The following KCNT2 variants were observed in gnomAD, a reference collection of about 807,000 sequenced individuals.
KCNT2 encodes the protein potassium sodium-activated channel subfamily T member 2.
Under a neutral mutation model 153.8 loss-of-function variants are expected in KCNT2, and 67 were observed. The observed-to-expected ratio is 0.44, with a 90% CI of 0.36 to 0.53. The LOEUF (loss-of-function observed/expected upper bound fraction) is 0.53, where lower values mean the gene tolerates loss of function less well. Ranked by LOEUF, KCNT2 falls within the 20% of genes least tolerant of loss-of-function variation. The probability of loss-of-function intolerance (pLI) is 0.00; values close to 1 mark genes in which losing one functional copy is unlikely to be tolerated. For missense variants in KCNT2, 975 were observed against 1,354.8 expected (o/e 0.72, Z 4.40); for synonymous variants, 500 against 458.8 (o/e 1.09, Z -1.15).
chr1:196,470,740 G>A (rs1420300479), intron 5 of KCNT2, among the ~76,000 whole-genome samples: 1 of 152,152 alleles, frequency 6.6e-6, no homozygotes, highest in African/African-American at 2.4e-5. Flanking sequence ...CATCAAATAA[G>A]AGAGGAAGTA....
chr1:196,602,412 A>G (rs574180322), intron 1 of KCNT2, among the ~76,000 whole-genome samples: 2 of 152,202 alleles, frequency 1.3e-5, no homozygotes, highest in South Asian at 2.1e-4. Context: ...TGTGATCTCA[A>G]TGTTGGTGTC....
chr1:196,375,045 T>A (rs1398246534), intron 13 of KCNT2, among the ~76,000 whole-genome samples: 1 of 151,788 alleles, frequency 6.6e-6, no homozygotes, highest in Non-Finnish European at 1.5e-5. Flanking sequence ...GTGTTATACT[T>A]TGAAAATATC....
chr1:196,419,867 C>T (rs559846173), intron 12 of KCNT2, among the ~76,000 whole-genome samples: 81 of 152,042 alleles, frequency 5.3e-4, no homozygotes, highest in Non-Finnish European at 9.4e-4. Flanking sequence ...TTCTCCCTGA[C>T]CAGCACAGAT....
intron 12 of KCNT2, among the ~76,000 whole-genome samples, chr1:196,422,555 A>G (rs534607297): frequency 1.3e-5 from 2 of 152,134 alleles, no homozygotes; most frequent in Non-Finnish European, 2.9e-5. Flanking sequence ...ATATCATATA[A>G]GCCAAAGGTT....
At chr1:196,602,696 T>C (rs1015174050) in intron 1 of KCNT2, among the ~76,000 whole-genome samples, 3 of 152,020 alleles carry the variant, frequency 2.0e-5, no homozygotes, top group African/African-American at 7.2e-5. Context: ...TTAGTAGTGA[T>C]TGAAAAACAA....
chr1:196,528,904 G>T (rs534108605), intron 1 of KCNT2, among the ~76,000 whole-genome samples: 59 of 152,204 alleles, frequency 3.9e-4, no homozygotes, highest in African/African-American at 1.4e-3. Context: ...TTGTGCATTA[G>T]ATTGCCCCAT....
intron 12 of KCNT2, among the ~76,000 whole-genome samples, chr1:196,402,230 C>G (rs1671474137): frequency 6.6e-6 from 1 of 151,494 alleles, no homozygotes; most frequent in African/African-American, 2.4e-5. Flanking sequence ...GAAAGAACTT[C>G]AGAAATAAAA....
At chr1:196,574,746 T>TTA (rs1265478441) in intron 1 of KCNT2, among the ~76,000 whole-genome samples, 2 of 152,000 alleles carry the variant, frequency 1.3e-5, no homozygotes, top group African/African-American at 2.4e-5. Flanking sequence ...TATAGATAAA[T>TTA]TATATATATG....
At chr1:196,439,226 A>G (rs1675003307) in intron 8 of KCNT2, among the ~76,000 whole-genome samples, 1 of 151,976 alleles carries the variant, frequency 6.6e-6, no homozygotes, top group African/African-American at 2.4e-5. Flanking sequence ...CAGAATAAAA[A>G]TCCTTTAAGA....
At chr1:196,289,398 G>A (rs1571921795) in intron 22 of KCNT2, among the ~76,000 whole-genome samples, 1 of 152,110 alleles carries the variant, frequency 6.6e-6, no homozygotes, top group East Asian at 1.9e-4. Flanking sequence ...TGTTCCAAGA[G>A]GGCAGAGACC....
Position 196,504,067 on chromosome 1 carries a change from C to T in KCNT2, c.96-11726G>A, listed in dbSNP as rs960759063. 3.9e-5 allele frequency among the ~76,000 whole-genome samples: 6 copies of T among 152,070 alleles called. No homozygotes were observed. In the South Asian group the frequency reaches 6.2e-4, roughly 16 times the overall value. On this transcript the variant is annotated intron_variant, in intron 1 of 27. Coordinates refer to ENST00000294725, the MANE Select transcript of KCNT2 (RefSeq NM_198503.5). ...TATAATTTCACTTAATACAAACTTA[C>T]GACAATACAAATGGGTTTTTTTAAT...
chr1:196,503,295 T>C (rs1680848716), intron 1 of KCNT2, among the ~76,000 whole-genome samples: 1 of 152,110 alleles, frequency 6.6e-6, no homozygotes, highest in Non-Finnish European at 1.5e-5. Context: ...CCTAAGTACA[T>C]ATACATATGT....
chr1:196,484,856 A>T (rs193018590), intron 3 of KCNT2, among the ~76,000 whole-genome samples: 14 of 152,210 alleles, frequency 9.2e-5, no homozygotes, highest in Admixed American at 8.5e-4. Flanking sequence ...GTGAGAATGT[A>T]AATTAGTTCA....
chr1:196,339,564 G>C (rs1440552602), intron 16 of KCNT2, among the ~76,000 whole-genome samples: 5 of 151,334 alleles, frequency 3.3e-5, no homozygotes, highest in Admixed American at 1.3e-4. Flanking sequence ...CAGAGACACA[G>C]AGAGAGAGAG....
intron 10 of KCNT2, among the ~76,000 whole-genome samples, chr1:196,426,576 G>C: frequency 6.6e-6 from 1 of 151,864 alleles, no homozygotes; most frequent in Middle Eastern, 3.4e-3. Context: ...ACATCTGAGT[G>C]GTGAAACAGT....
chr1:196,295,023 A>G (rs917994442), intron 22 of KCNT2, among the ~76,000 whole-genome samples: 2 of 151,768 alleles, frequency 1.3e-5, no homozygotes, highest in East Asian at 3.9e-4. Flanking sequence ...TGTATATTTC[A>G]GAATTGCTTG....
intron 25 of KCNT2, among the ~76,000 whole-genome samples, chr1:196,266,791 G>A (rs189289457): frequency 6.6e-6 from 1 of 152,238 alleles, no homozygotes; most frequent in Admixed American, 6.5e-5. Context: ...CACATATTAA[G>A]GCCACCATTA....
At chr1:196,254,200 C>A (rs1056485534) in intron 26 of KCNT2, among the ~76,000 whole-genome samples, 3 of 151,302 alleles carry the variant, frequency 2.0e-5, no homozygotes, top group African/African-American at 4.8e-5. Context: ...TAATAAAGTT[C>A]TATGAACAGA....
intron 3 of KCNT2, among the ~76,000 whole-genome samples, chr1:196,484,198 CT>C (rs1679233195): frequency 6.6e-6 from 1 of 151,964 alleles, no homozygotes; most frequent in Non-Finnish European, 1.5e-5. Context: ...ATCTGCTTGA[CT>C]TTCATAATCG....
Sources: gnomAD v4.1 joint callset for allele counts (sites outside exome capture counted in the v4.1 genomes callset) on GRCh38, gnomAD v4.1.1 for gene constraint, MANE v1.5 for transcripts, NCBI Gene and HGNC (gene_info 2026-07-23, HGNC 2026-07-21) for gene names.